HECW2: variants seen among roughly 807,000 people sequenced by gnomAD.
HECW2 encodes HECT, C2 and WW domain containing E3 ubiquitin protein ligase 2.
A neutral mutation model predicts 175.2 loss-of-function variants in HECW2; 61 were observed. The ratio of observed to expected loss-of-function variants is 0.35; its 90% CI spans 0.28 to 0.43. The LOEUF (loss-of-function observed/expected upper bound fraction) is 0.43, where lower values mean the gene tolerates loss of function less well. Among genes scored for constraint, HECW2 ranks in the 20% least tolerant of loss-of-function variants. HECW2 has a pLI of 1.00. For missense variants in HECW2, 1,524 were observed against 2,000.5 expected, an observed-to-expected ratio of 0.76 and a Z score of 4.54; for synonymous variants, 671 against 731.0, an observed-to-expected ratio of 0.92 and a Z score of 1.32.
In HECW2 at chr2:196,318,808, G is replaced by A. The variant is rs780944656; in HGVS notation, c.2082C>T (p.Ala694=). ...TGCACACGGATTCCTGCGACCCTTC[G>A]GCAGGGCCACTGCTGGTGGGCTCTG... The part of the protein sequence containing the change: ...CAAEPTSSGP[A]EGSQESVCTA... The change falls in exon 9 of 29, where the codon GCC becomes GCT. Residue 694 remains alanine (A), a synonymous_variant. Coordinates refer to ENST00000644978, the MANE Select transcript of HECW2 (RefSeq NM_001348768.2). 4.4e-5 allele frequency: 67 copies of A among 1,528,108 alleles called. No homozygotes were observed. Among genetic ancestry groups the A allele is most frequent in the Non-Finnish European group, 5.3e-5 (60 of 1,136,518 alleles). 94.7% of individuals were successfully genotyped at this position (1,528,108 alleles called of 1,614,324 possible).
chr2:196,450,551 G>A (rs1183381912), intron 1 of HECW2, among the ~76,000 whole-genome samples: 1 of 150,568 alleles, frequency 6.6e-6, no homozygotes, highest in African/African-American at 2.5e-5. Flanking sequence ...GAGTACAATG[G>A]CATAATCTTG....
At chr2:196,286,025 A>G (rs1690374160) in intron 14 of HECW2, among the ~76,000 whole-genome samples, 1 of 152,164 alleles carries the variant, frequency 6.6e-6, no homozygotes, top group Non-Finnish European at 1.5e-5. Flanking sequence ...ATATGTTGGG[A>G]GTGACAGTAT....
intron 2 of HECW2, among the ~76,000 whole-genome samples, chr2:196,345,244 C>G (rs1692910351): frequency 6.6e-6 from 1 of 152,178 alleles, no homozygotes; most frequent in Non-Finnish European, 1.5e-5. Flanking sequence ...ACTTAAAAAT[C>G]ACTGGATTTG....
At chr2:196,457,684 G>A (rs1283633413) in intron 1 of HECW2, among the ~76,000 whole-genome samples, 2 of 150,206 alleles carry the variant, frequency 1.3e-5, no homozygotes, top group African/African-American at 2.5e-5. Flanking sequence ...ATGAAGGAGC[G>A]GGACTATATG....
chr2:196,400,561 G>A (rs1434028964), intron 2 of HECW2, among the ~76,000 whole-genome samples: 1 of 152,134 alleles, frequency 6.6e-6, no homozygotes, highest in Admixed American at 6.5e-5. Flanking sequence ...AATATGCACA[G>A]GAAATTTTGT....
intron 6 of HECW2, among the ~76,000 whole-genome samples, chr2:196,323,282 A>G (rs1424430400): frequency 2.0e-5 from 3 of 152,252 alleles, no homozygotes; most frequent in Non-Finnish European, 2.9e-5. Flanking sequence ...TGGATCGGAC[A>G]TTAATAAGGA....
chr2:196,479,250 G>A (rs1319772886), intron 1 of HECW2, among the ~76,000 whole-genome samples: 1 of 152,106 alleles, frequency 6.6e-6, no homozygotes, highest in Non-Finnish European at 1.5e-5. Flanking sequence ...AACCCCCAAA[G>A]TACCTTTGGC....
At chr2:196,370,864 A>G (rs1047129884) in intron 2 of HECW2, among the ~76,000 whole-genome samples, 1 of 152,124 alleles carries the variant, frequency 6.6e-6, no homozygotes, top group African/African-American at 2.4e-5. Context: ...CTAAGCGCAC[A>G]GATTCTCTCT....
chr2:196,451,484 C>T (rs1197124008), intron 1 of HECW2, among the ~76,000 whole-genome samples: 3 of 150,732 alleles, frequency 2.0e-5, no homozygotes, highest in Non-Finnish European at 3.0e-5. Context: ...ATACCCAGAA[C>T]TCATGCTTTT....
At chr2:196,391,511 G>A (rs1694509094) in intron 2 of HECW2, among the ~76,000 whole-genome samples, 1 of 152,166 alleles carries the variant, frequency 6.6e-6, no homozygotes, top group Non-Finnish European at 1.5e-5. Flanking sequence ...ATGAATGTAT[G>A]TTTTAGATGA....
chr2:196,307,105 C>A, intron 12 of HECW2, 25 bp downstream of exon 12: 1 of 1,519,374 alleles, frequency 6.6e-7, no homozygotes, highest in Non-Finnish European at 9.1e-7. Flanking sequence ...TATGAAATTA[C>A]AAAAACAAAG....
Position 196,469,622 on chromosome 2 carries a change from T to C in HECW2, c.-35-36164A>G, listed in dbSNP as rs555109562. On this transcript the variant is annotated intron_variant, in intron 1 of 28. Transcript: ENST00000644978. ...TCTTGAGATAGAGGTTATTTACATA[T>C]GTCATTAAATAGTCATAACAAAAAT... is the stretch of plus-strand genomic sequence containing the variant. 4.6e-5 allele frequency among the ~76,000 whole-genome samples: 7 copies of C among 152,216 alleles called. No individual in the cohort carries two copies. In the East Asian group the frequency reaches 1.3e-3, roughly 29 times the overall value.
At chr2:196,349,488 G>T (rs1009587130) in intron 2 of HECW2, among the ~76,000 whole-genome samples, 2 of 151,738 alleles carry the variant, frequency 1.3e-5, no homozygotes, top group Admixed American at 1.3e-4. Flanking sequence ...AGTCTAGTTG[G>T]CTACACATTT....
chr2:196,571,511 C>A (rs1405415968), intron 1 of HECW2, among the ~76,000 whole-genome samples: 2 of 152,060 alleles, frequency 1.3e-5, no homozygotes, highest in Non-Finnish European at 2.9e-5. Context: ...GAGTTTGAGA[C>A]CAGCCTGGCC....
At chr2:196,372,777 A>G (rs1174552056) in intron 2 of HECW2, among the ~76,000 whole-genome samples, 1 of 152,152 alleles carries the variant, frequency 6.6e-6, no homozygotes, top group African/African-American at 2.4e-5. Flanking sequence ...TTAGAAACCC[A>G]ATTTTTAAGA....
chr2:196,282,659 C>T (rs188579384), intron 14 of HECW2, among the ~76,000 whole-genome samples: 48 of 152,278 alleles, frequency 3.2e-4, no homozygotes, highest in Admixed American at 2.7e-3. Flanking sequence ...GTTATGATAA[C>T]GATTGTGGAG....
At chr2:196,471,586 CTGGA>C (rs1697199360) in intron 1 of HECW2, among the ~76,000 whole-genome samples, 2 of 152,164 alleles carry the variant, frequency 1.3e-5, no homozygotes, top group South Asian at 4.1e-4. Context: ...CAACAGTAGA[CTGGA>C]TGAAGAAAAT....
intron 14 of HECW2, among the ~76,000 whole-genome samples, chr2:196,284,342 G>C (rs1330508566): frequency 1.3e-5 from 2 of 152,212 alleles, no homozygotes; most frequent in African/African-American, 4.8e-5. Flanking sequence ...GAGTCAAATG[G>C]AATGTGTATA....
chr2:196,501,922 A>G (rs1277518392), intron 1 of HECW2, among the ~76,000 whole-genome samples: 3 of 152,222 alleles, frequency 2.0e-5, no homozygotes, highest in African/African-American at 7.2e-5. Flanking sequence ...ATTCCCAAAA[A>G]GGAAAAAAGA....
Sources: gnomAD v4.1 joint callset for allele counts (sites outside exome capture counted in the v4.1 genomes callset) on GRCh38, gnomAD v4.1.1 for gene constraint, MANE v1.5 for transcripts, NCBI Gene and HGNC (gene_info 2026-07-23, HGNC 2026-07-21) for gene names.